CEP112: variants seen among roughly 807,000 people sequenced by gnomAD.
The protein encoded by CEP112 is centrosomal protein 112.
A neutral mutation model predicts 153.0 loss-of-function variants in CEP112; 127 were observed. The observed-to-expected ratio is 0.83, with a 90% CI of 0.72 to 0.96. The LOEUF (loss-of-function observed/expected upper bound fraction) is 0.96. CEP112 is among the 40% of genes least tolerant of loss of function. CEP112 has a pLI of 0.00. For synonymous variants in CEP112, 358 were observed against 374.4 expected, an observed-to-expected ratio of 0.96 and a Z score of 0.51; for missense variants, 1,089 against 1,101.2, an observed-to-expected ratio of 0.99 and a Z score of 0.16.
intron 23 of CEP112, among the ~76,000 whole-genome samples, chr17:65,696,150 C>T (rs1467682157): frequency 6.6e-6 from 1 of 152,148 alleles, no homozygotes; most frequent in Non-Finnish European, 1.5e-5. Context: ...CGCATTCTTG[C>T]CCCCTTTTAG....
chr17:66,133,706 T>C (rs2070305398), intron 4 of CEP112, among the ~76,000 whole-genome samples: 1 of 152,114 alleles, frequency 6.6e-6, no homozygotes, highest in African/African-American at 2.4e-5. Flanking sequence ...AAATGGAAAA[T>C]AACCATTATA....
intron 19 of CEP112, among the ~76,000 whole-genome samples, chr17:65,924,169 G>A (rs997956214): frequency 5.9e-5 from 9 of 151,980 alleles, no homozygotes; most frequent in Non-Finnish European, 1.3e-4. Context: ...GTAGAGACGG[G>A]GTTTCGCCAT....
At chr17:65,782,846 A>C (rs978949858) in intron 21 of CEP112, among the ~76,000 whole-genome samples, 2 of 152,150 alleles carry the variant, frequency 1.3e-5, no homozygotes, top group Non-Finnish European at 2.9e-5. Flanking sequence ...AGGGGTGGGA[A>C]AACTAACTGT....
chr17:66,069,402 T>C (rs1314831543), intron 9 of CEP112, among the ~76,000 whole-genome samples: 1 of 151,982 alleles, frequency 6.6e-6, no homozygotes, highest in Admixed American at 6.6e-5. Context: ...TATTTGAAAA[T>C]ACAGGCTGAA....
At chr17:65,848,341 T>A (rs1349499755) in intron 21 of CEP112, among the ~76,000 whole-genome samples, 1 of 152,206 alleles carries the variant, frequency 6.6e-6, no homozygotes, top group African/African-American at 2.4e-5. Flanking sequence ...TCACATCCAG[T>A]GACCTTTCTT....
At chr17:65,637,635 C>T (rs900927357) in intron 25 of CEP112, among the ~76,000 whole-genome samples, 2 of 152,220 alleles carry the variant, frequency 1.3e-5, no homozygotes, top group Non-Finnish European at 2.9e-5. Context: ...CTGCTCCTTG[C>T]CTCCTAGCCC....
chr17:65,990,241 G>C (rs979653569), intron 17 of CEP112, among the ~76,000 whole-genome samples: 2 of 152,030 alleles, frequency 1.3e-5, no homozygotes, highest in Non-Finnish European at 2.9e-5. Flanking sequence ...GAGCAAGATG[G>C]CTAAATAGAA....
chr17:65,773,000 T>A lies in CEP112; in HGVS notation c.2395-22276A>T, dbSNP rs4791133. On this transcript the variant is annotated intron_variant, in intron 21 of 26. Coordinates refer to ENST00000535342, the MANE Select transcript of CEP112 (RefSeq NM_001199165.4). ...ACATATTGGCTAAATGTGTTACACA[T>A]ATGAATGAATCTAAACCTCTCAAAA... is the stretch of plus-strand genomic sequence containing the variant. Among the ~76,000 whole-genome samples the A allele has an allele frequency of 3.3e-5, 5 of 151,708 alleles. No individual in the cohort carries two copies. In the South Asian group the frequency reaches 8.3e-4, roughly 25 times the overall value.
chr17:66,098,806 G>A (rs1243943818), intron 6 of CEP112, among the ~76,000 whole-genome samples: 2 of 152,138 alleles, frequency 1.3e-5, no homozygotes, highest in African/African-American at 4.8e-5. Flanking sequence ...ATAAAAAGGA[G>A]AAAGGGAATA....
chr17:65,968,991 CATCT>C (rs1371337711), intron 17 of CEP112, among the ~76,000 whole-genome samples: 1 of 151,948 alleles, frequency 6.6e-6, no homozygotes, highest in African/African-American at 2.4e-5. Flanking sequence ...ATTTACTTAA[CATCT>C]ATCACATGCC....
intron 24 of CEP112, among the ~76,000 whole-genome samples, chr17:65,644,775 T>G (rs1264319170): frequency 6.6e-6 from 1 of 152,240 alleles, no homozygotes. Context: ...TAGCTAGGCA[T>G]GGTGGTGTGC....
intron 8 of CEP112, among the ~76,000 whole-genome samples, chr17:66,092,288 C>G (rs542037410): frequency 6.6e-6 from 1 of 151,568 alleles, no homozygotes; most frequent in East Asian, 2.0e-4. Context: ...TATCTGCCCA[C>G]CTCAGCCTCC....
intron 21 of CEP112, among the ~76,000 whole-genome samples, chr17:65,825,814 G>A (rs2056812184): frequency 6.6e-6 from 1 of 152,008 alleles, no homozygotes; most frequent in African/African-American, 2.4e-5. Flanking sequence ...CTTTTTCTTG[G>A]GCTACAGCAC....
chr17:65,856,874 A>G (rs534180010), intron 20 of CEP112, among the ~76,000 whole-genome samples: 5 of 152,294 alleles, frequency 3.3e-5, no homozygotes, highest in Middle Eastern at 3.4e-3. Flanking sequence ...CACACACCCA[A>G]TTTTAATTTA....
At chr17:66,172,409 G>A (rs2072284304) in intron 4 of CEP112, among the ~76,000 whole-genome samples, 1 of 152,158 alleles carries the variant, frequency 6.6e-6, no homozygotes, top group Admixed American at 6.5e-5. Flanking sequence ...TGAAGGATGG[G>A]TAGGACTCAC....
At chr17:65,682,841 G>A (rs955403682) in intron 24 of CEP112, among the ~76,000 whole-genome samples, 7 of 152,020 alleles carry the variant, frequency 4.6e-5, no homozygotes, top group South Asian at 2.1e-4. Context: ...TCCCTTCTCC[G>A]CTATAAACAA....
At chr17:65,729,551 A>T (rs2144973183) in intron 23 of CEP112, among the ~76,000 whole-genome samples, 1 of 152,294 alleles carries the variant, frequency 6.6e-6, no homozygotes, top group East Asian at 1.9e-4. Flanking sequence ...ACTGCCTTTG[A>T]ACTATCTCCG....
At chr17:66,171,752 T>A (rs902846595) in intron 4 of CEP112, among the ~76,000 whole-genome samples, 10 of 152,166 alleles carry the variant, frequency 6.6e-5, no homozygotes, top group South Asian at 4.1e-4. Flanking sequence ...CTAATGTAAA[T>A]CAAATTAAAA....
chr17:65,928,224 A>T, intron 18 of CEP112, among the ~76,000 whole-genome samples: 1 of 152,242 alleles, frequency 6.6e-6, no homozygotes, highest in East Asian at 1.9e-4. Context: ...AACAAGAATG[A>T]CATATCACTT....
Sources: allele counts gnomAD v4.1 joint callset (sites outside exome capture counted in the v4.1 genomes callset), GRCh38; gene constraint gnomAD v4.1.1; transcripts MANE v1.5; gene names NCBI Gene and HGNC (gene_info 2026-07-23, HGNC 2026-07-21).